AFF3: variants seen among roughly 807,000 people sequenced by gnomAD.
AFF3 encodes the protein ALF transcription elongation factor 3, also known as AF4/FMR2 family member 3.
Under a neutral mutation model 129.7 loss-of-function variants are expected in AFF3, and 32 were observed. That is an observed-to-expected ratio of 0.25 (90% CI 0.19 to 0.33). The LOEUF (loss-of-function observed/expected upper bound fraction) is 0.33, where lower values mean the gene tolerates loss of function less well. Among genes scored for constraint, AFF3 ranks in the 10% least tolerant of loss-of-function variants. The pLI is 1.00. For missense variants in AFF3, 1,373 were observed against 1,592.0 expected (o/e 0.86, Z 2.34); for synonymous variants, 644 against 635.4 (o/e 1.01, Z -0.20).
chr2:100,000,313 CAAAT>C (rs1333577951), intron 7 of AFF3, among the ~76,000 whole-genome samples: 1 of 151,986 alleles, frequency 6.6e-6, no homozygotes, highest in Non-Finnish European at 1.5e-5. Context: ...TCAGAAAAAA[CAAAT>C]ACGCAGAAAA....
At chr2:99,565,718 C>T in intron 19 of AFF3, 95 bp from the exon 20 acceptor site, 1 of 1,329,326 alleles carries the variant, frequency 7.5e-7, no homozygotes, top group South Asian at 1.4e-5. Context: ...AGAAACCCAA[C>T]TCTGACTTCT....
chr2:100,028,821 C>G (rs1684254007), intron 4 of AFF3, among the ~76,000 whole-genome samples: 1 of 152,128 alleles, frequency 6.6e-6, no homozygotes. Context: ...GATGGAAATA[C>G]AAAGTGGGCA....
At chr2:99,905,941 TA>T (rs1312158502) in intron 7 of AFF3, among the ~76,000 whole-genome samples, 3 of 152,140 alleles carry the variant, frequency 2.0e-5, no homozygotes, top group Non-Finnish European at 4.4e-5. Context: ...CTGTGTTTGA[TA>T]AATACGCTGA....
At chr2:99,716,882 CA>C (rs58689373) in intron 11 of AFF3, among the ~76,000 whole-genome samples, 20,107 of 80,814 alleles carry the variant, frequency 0.25, 1,784 homozygotes, top group African/African-American at 0.41. Flanking sequence ...GACTCCGTCT[CA>C]AAAAAAAAAT....
At chr2:99,764,395 G>T (rs1056416427) in intron 8 of AFF3, among the ~76,000 whole-genome samples, 2 of 151,910 alleles carry the variant, frequency 1.3e-5, no homozygotes, top group African/African-American at 2.4e-5. Flanking sequence ...CCTTAATTTT[G>T]GACCTTTCTG....
At chr2:99,675,771 C>T (rs2104497180) in intron 11 of AFF3, among the ~76,000 whole-genome samples, 1 of 152,308 alleles carries the variant, frequency 6.6e-6, no homozygotes, top group East Asian at 1.9e-4. Context: ...GGCATGGCCG[C>T]CTTCACCAAA....
chr2:99,867,003 A>AATAAT (rs1558928973), intron 7 of AFF3, among the ~76,000 whole-genome samples: 3,120 of 98,998 alleles, frequency 0.032, 93 homozygotes, highest in East Asian at 0.077. Flanking sequence ...ATAATAATAA[A>AATAAT]AAATAAATAA....
At chr2:99,869,017 C>A (rs1691653246) in intron 7 of AFF3, among the ~76,000 whole-genome samples, 1 of 143,896 alleles carries the variant, frequency 6.9e-6, no homozygotes, top group Admixed American at 7.4e-5. Context: ...TCTCGAACTC[C>A]TGGCCTCAAG....
At chr2:99,838,403 C>T (rs1035492947) in intron 7 of AFF3, among the ~76,000 whole-genome samples, 2 of 152,170 alleles carry the variant, frequency 1.3e-5, no homozygotes, top group Non-Finnish European at 2.9e-5. Context: ...CAAGGCCACT[C>T]TCCCTTCCTC....
At chr2:99,818,184 T>C (rs1270849505) in intron 8 of AFF3, among the ~76,000 whole-genome samples, 2 of 152,204 alleles carry the variant, frequency 1.3e-5, no homozygotes, top group Non-Finnish European at 2.9e-5. Flanking sequence ...ATGTTTATTG[T>C]AGCATTTAGG....
intron 7 of AFF3, among the ~76,000 whole-genome samples, chr2:99,933,261 C>T (rs1576376015): frequency 6.6e-6 from 1 of 152,216 alleles, no homozygotes; most frequent in East Asian, 1.9e-4. Context: ...GGAAAAGTTC[C>T]TTTGAGAACT....
chr2:100,127,192 T>C (rs1300715967), intron 2 of AFF3, among the ~76,000 whole-genome samples: 1 of 152,164 alleles, frequency 6.6e-6, no homozygotes, highest in Non-Finnish European at 1.5e-5. Context: ...GTGTTTAGTG[T>C]CCATGACTCA....
At chr2:99,769,422 T>C (rs920850658) in intron 8 of AFF3, among the ~76,000 whole-genome samples, 9 of 152,236 alleles carry the variant, frequency 5.9e-5, no homozygotes, top group African/African-American at 2.2e-4. Flanking sequence ...TTGAATTTCT[T>C]TGAGTTTCCT....
intron 4 of AFF3, among the ~76,000 whole-genome samples, chr2:100,047,030 T>G (rs865999227): frequency 3.9e-5 from 6 of 152,204 alleles, no homozygotes; most frequent in Non-Finnish European, 7.3e-5. Context: ...AGATCTACAC[T>G]TTCCACTGTA....
chr2:99,586,860 A>G (rs1678168919), intron 16 of AFF3, among the ~76,000 whole-genome samples: 1 of 152,052 alleles, frequency 6.6e-6, no homozygotes, highest in Non-Finnish European at 1.5e-5. Context: ...ATTGATTAGA[A>G]ATTCAGTTAT....
intron 16 of AFF3, among the ~76,000 whole-genome samples, chr2:99,585,435 T>G (rs1042857467): frequency 6.6e-6 from 1 of 152,148 alleles, no homozygotes; most frequent in African/African-American, 2.4e-5. Flanking sequence ...AGACCACCTT[T>G]CTCAGAATGT....
intron 13 of AFF3, among the ~76,000 whole-genome samples, chr2:99,643,112 T>A (rs1684364498): frequency 1.5e-5 from 2 of 132,862 alleles, no homozygotes; most frequent in African/African-American, 2.9e-5. Context: ...CAGGCTGGAG[T>A]GCAATGGTGT....
intron 10 of AFF3, among the ~76,000 whole-genome samples, chr2:99,737,650 C>A (rs1282450176): frequency 7.1e-6 from 1 of 141,352 alleles, no homozygotes; most frequent in Admixed American, 7.0e-5. Flanking sequence ...TTTTTTTTTT[C>A]ATTTATCCTT....
At chr2:99,934,131 C>T (rs982937949) in intron 7 of AFF3, among the ~76,000 whole-genome samples, 38 of 152,152 alleles carry the variant, frequency 2.5e-4, no homozygotes, top group African/African-American at 8.0e-4. Context: ...AAGCCTTGCC[C>T]GAATCTCACC....
Sources: gnomAD v4.1 joint callset for allele counts (sites outside exome capture counted in the v4.1 genomes callset) on GRCh38, gnomAD v4.1.1 for gene constraint, MANE v1.5 for transcripts, NCBI Gene and HGNC (gene_info 2026-07-23, HGNC 2026-07-21) for gene names.